GALNT11: variants seen among roughly 807,000 people sequenced by gnomAD.
GALNT11 encodes the protein polypeptide N-acetylgalactosaminyltransferase 11.
A neutral mutation model predicts 72.7 loss-of-function variants in GALNT11; 47 were observed. The observed-to-expected ratio is 0.65, with a 90% CI of 0.51 to 0.82. The LOEUF is 0.82. GALNT11 is among the 40% of genes least tolerant of loss of function. The pLI, the probability that GALNT11 is intolerant of heterozygous loss-of-function variation, is 0.00. For missense variants in GALNT11, 677 were observed against 778.4 expected (o/e 0.87, Z 1.55); for synonymous variants, 270 against 286.6 (o/e 0.94, Z 0.58).
chr7:152,051,752 A>C (rs1198619862), intron 1 of GALNT11, among the ~76,000 whole-genome samples: 3 of 140,482 alleles, frequency 2.1e-5, no homozygotes, highest in African/African-American at 9.8e-5. Flanking sequence ...TAGGAAATAG[A>C]AAAACCTCTC....
chr7:152,047,731 T>A (rs1289160520), intron 1 of GALNT11, among the ~76,000 whole-genome samples: 1 of 151,544 alleles, frequency 6.6e-6, no homozygotes, highest in Non-Finnish European at 1.5e-5. Flanking sequence ...CAAGTATGTA[T>A]ACTCTATATA....
At chr7:152,041,253 G>A (rs1163578676) in intron 1 of GALNT11, among the ~76,000 whole-genome samples, 1 of 152,128 alleles carries the variant, frequency 6.6e-6, no homozygotes, top group Non-Finnish European at 1.5e-5. Flanking sequence ...TTATTATCGG[G>A]TCTCTCCACC....
chr7:152,100,049 G>A (rs1382441516), intron 2 of GALNT11, among the ~76,000 whole-genome samples: 1 of 150,884 alleles, frequency 6.6e-6, no homozygotes, highest in Non-Finnish European at 1.5e-5. Context: ...AAAGTGCTGG[G>A]ATCACAGGCG....
intron 1 of GALNT11, among the ~76,000 whole-genome samples, chr7:152,070,238 C>T (rs997901286): frequency 1.5e-4 from 23 of 152,042 alleles, no homozygotes; most frequent in Non-Finnish European, 2.4e-4. Context: ...CCTCATGATC[C>T]GCTTGCTTTG....
chr7:152,115,428 G>A (rs1449541436), intron 8 of GALNT11, among the ~76,000 whole-genome samples: 1 of 152,186 alleles, frequency 6.6e-6, no homozygotes, highest in East Asian at 1.9e-4. Flanking sequence ...AAATCTCAAT[G>A]TGCCTTTTTA....
At chr7:152,033,174 C>T (rs530476685) in intron 1 of GALNT11, among the ~76,000 whole-genome samples, 71 of 152,276 alleles carry the variant, frequency 4.7e-4, no homozygotes, top group Admixed American at 1.2e-3. Context: ...TCCTCCGGGG[C>T]AGTGCGCCTT....
chr7:152,041,648 C>A (rs111970400), intron 1 of GALNT11, among the ~76,000 whole-genome samples: 43 of 152,298 alleles, frequency 2.8e-4, no homozygotes, highest in African/African-American at 1.0e-3. Context: ...ACTTGCTTTT[C>A]AATCAGCTGT....
chr7:152,097,124 G>A (rs1222703406), intron 2 of GALNT11, among the ~76,000 whole-genome samples: 1 of 152,166 alleles, frequency 6.6e-6, no homozygotes, highest in Admixed American at 6.5e-5. Context: ...CACTGTGCCT[G>A]GGCCCAAACA....
intron 1 of GALNT11, among the ~76,000 whole-genome samples, chr7:152,045,940 T>C (rs1442423720): frequency 1.3e-5 from 2 of 152,128 alleles, no homozygotes; most frequent in African/African-American, 2.4e-5. Context: ...CTATAAACTT[T>C]CCTCTTAGTT....
At chr7:152,109,783 T>C (rs2087986156) in intron 6 of GALNT11, among the ~76,000 whole-genome samples, 1 of 152,200 alleles carries the variant, frequency 6.6e-6, no homozygotes, top group African/African-American at 2.4e-5. Flanking sequence ...ATAATTTTGC[T>C]TCTCTTGTGC....
intron 1 of GALNT11, among the ~76,000 whole-genome samples, chr7:152,036,708 G>A (rs1315781030): frequency 6.6e-6 from 1 of 152,146 alleles, no homozygotes; most frequent in Non-Finnish European, 1.5e-5. Flanking sequence ...CCCACCAATG[G>A]TGTATGAGGA....
At chr7:152,082,184 A>G (rs1018809916) in intron 1 of GALNT11, among the ~76,000 whole-genome samples, 6 of 152,222 alleles carry the variant, frequency 3.9e-5, no homozygotes, top group African/African-American at 7.2e-5. Context: ...AAGGTATACC[A>G]TGTGTTAGAA....
intron 1 of GALNT11, among the ~76,000 whole-genome samples, chr7:152,048,232 G>A (rs1230498427): frequency 6.6e-6 from 1 of 151,758 alleles, no homozygotes. Flanking sequence ...CACTCTCCTG[G>A]CCTTTAAGGC....
intron 1 of GALNT11, among the ~76,000 whole-genome samples, chr7:152,044,385 C>T (rs1024963091): frequency 1.3e-5 from 2 of 152,118 alleles, no homozygotes; most frequent in African/African-American, 4.8e-5. Flanking sequence ...CTGGGTGGGC[C>T]AGGTGTTCCT....
intron 1 of GALNT11, among the ~76,000 whole-genome samples, chr7:152,051,200 T>G (rs13223552): frequency 3.0e-5 from 3 of 100,366 alleles, no homozygotes; most frequent in Admixed American, 9.1e-5. Context: ...TATCTGGTTG[T>G]TTTTTTTTTT....
Position 152,070,425 on chromosome 7 carries a change from CAG to C in GALNT11, c.-38-23764_-38-23763del, listed in dbSNP as rs753094731. Among the ~76,000 whole-genome samples, 223 of 152,292 alleles carry C rather than the reference CAG, an allele frequency of 1.5e-3. 2 individuals are homozygous for C. The highest frequency in any genetic ancestry group is 5.1e-3 in the African/African-American group (213 of 41,570). On this transcript the variant is annotated intron_variant, in intron 1 of 11. Coordinates refer to ENST00000430044, the MANE Select transcript of GALNT11 (RefSeq NM_022087.4). ...GAAGTCAGAAGTCTGAAAAGCATCT[CAG>C]GGGACTAAACTCAAGGTGTTGGCAG... is the stretch of plus-strand genomic sequence containing the variant.
chr7:152,084,122 T>G (rs2085481618), intron 1 of GALNT11, among the ~76,000 whole-genome samples: 2 of 152,158 alleles, frequency 1.3e-5, no homozygotes, highest in African/African-American at 4.8e-5. Context: ...CCTGGTAGTT[T>G]GTTTTTGTTG....
intron 1 of GALNT11, among the ~76,000 whole-genome samples, chr7:152,076,440 A>G (rs2084984711): frequency 1.3e-5 from 2 of 151,604 alleles, no homozygotes; most frequent in African/African-American, 4.9e-5. Flanking sequence ...AAAGACAGCC[A>G]ATAAAGGGCA....
At chr7:152,077,082 T>C (rs2085027523) in intron 1 of GALNT11, among the ~76,000 whole-genome samples, 1 of 152,142 alleles carries the variant, frequency 6.6e-6, no homozygotes, top group African/African-American at 2.4e-5. Flanking sequence ...CAGTGAGACC[T>C]TGTCTCAAAA....
Sources: allele counts gnomAD v4.1 joint callset (sites outside exome capture counted in the v4.1 genomes callset), GRCh38; gene constraint gnomAD v4.1.1; transcripts MANE v1.5; gene names NCBI Gene and HGNC (gene_info 2026-07-23, HGNC 2026-07-21).